Variants in KCND2 observed in about 807,000 individuals in gnomAD.
KCND2 encodes potassium voltage-gated channel subfamily D member 2.
Under a neutral mutation model 54.4 loss-of-function variants are expected in KCND2, and 16 were observed. The observed-to-expected ratio is 0.29, with a 90% CI of 0.20 to 0.45. The LOEUF (loss-of-function observed/expected upper bound fraction) is 0.45, where lower values mean the gene tolerates loss of function less well. Among genes scored for constraint, KCND2 ranks in the 20% least tolerant of loss-of-function variants. The pLI, the probability that KCND2 is intolerant of heterozygous loss-of-function variation, is 1.00. For missense variants in KCND2, 486 were observed against 824.2 expected, an observed-to-expected ratio of 0.59 and a Z score of 5.02; for synonymous variants, 317 against 310.7, an observed-to-expected ratio of 1.02 and a Z score of -0.21.
intron 1 of KCND2, among the ~76,000 whole-genome samples, chr7:120,679,280 G>C (rs557965353): frequency 1.3e-5 from 2 of 151,774 alleles, no homozygotes; most frequent in African/African-American, 4.8e-5. Flanking sequence ...TTTCCAATGA[G>C]TTTTGTTGCC....
chr7:120,590,270 G>A (rs764345550), intron 1 of KCND2, among the ~76,000 whole-genome samples: 2 of 152,028 alleles, frequency 1.3e-5, no homozygotes, highest in African/African-American at 4.8e-5. Context: ...CTGCTCACTC[G>A]GATTCCCAAA....
At chr7:120,438,808 A>T (rs1801907349) in intron 1 of KCND2, among the ~76,000 whole-genome samples, 1 of 152,154 alleles carries the variant, frequency 6.6e-6, no homozygotes, top group Non-Finnish European at 1.5e-5. Flanking sequence ...TGCTCATTCA[A>T]CCTGACCCAG....
chr7:120,561,598 ATTTTTTTTTTTT>A (rs57015988), intron 1 of KCND2, among the ~76,000 whole-genome samples: 6 of 47,280 alleles, frequency 1.3e-4, no homozygotes, highest in Non-Finnish European at 2.3e-4. Context: ...AAGCTACCTG[ATTTTTTTTTTTT>A]TTTTTTTTTT....
intron 1 of KCND2, among the ~76,000 whole-genome samples, chr7:120,530,269 T>C (rs1407336731): frequency 6.6e-6 from 1 of 152,156 alleles, no homozygotes; most frequent in Non-Finnish European, 1.5e-5. Flanking sequence ...TATGTCAAAA[T>C]ATCTCATGTA....
intron 1 of KCND2, among the ~76,000 whole-genome samples, chr7:120,280,607 A>G (rs1799245913): frequency 6.6e-6 from 1 of 152,060 alleles, no homozygotes. Flanking sequence ...TGAGTCACAA[A>G]GTTCAAATTT....
intron 1 of KCND2, among the ~76,000 whole-genome samples, chr7:120,306,727 TATC>T (rs537425288): frequency 3.0e-4 from 45 of 152,208 alleles, no homozygotes; most frequent in African/African-American, 1.0e-3. Context: ...TCTATACCGT[TATC>T]ATATTTCTCT....
intron 1 of KCND2, among the ~76,000 whole-genome samples, chr7:120,527,855 C>A (rs563536239): frequency 5.9e-5 from 9 of 151,906 alleles, no homozygotes; most frequent in African/African-American, 2.2e-4. Context: ...AATAAATGGA[C>A]GAATGTATAC....
At chr7:120,310,770 G>A (rs1584724127) in intron 1 of KCND2, among the ~76,000 whole-genome samples, 1 of 151,560 alleles carries the variant, frequency 6.6e-6, no homozygotes, top group African/African-American at 2.4e-5. Flanking sequence ...AACCCCATCT[G>A]TACTAAAAAT....
At chr7:120,697,772 A>G (rs1397108043) in intron 1 of KCND2, among the ~76,000 whole-genome samples, 1 of 152,208 alleles carries the variant, frequency 6.6e-6, no homozygotes, top group East Asian at 1.9e-4. Context: ...TGAACAATAA[A>G]ATATAATTGG....
chr7:120,359,744 T>C (rs1368869673), intron 1 of KCND2, among the ~76,000 whole-genome samples: 1 of 152,046 alleles, frequency 6.6e-6, no homozygotes, highest in Non-Finnish European at 1.5e-5. Flanking sequence ...TGAATTGTAA[T>C]CCCCATAATC....
chr7:120,733,068 G>A lies in KCND2; in HGVS notation c.1278+3G>A, dbSNP rs1436715958. The A allele has an allele frequency of 6.2e-7, 1 of 1,613,280 alleles. No individual in the cohort carries two copies. Among genetic ancestry groups the A allele is most frequent in the Admixed American group, 1.7e-5 (1 of 59,944 alleles). On this transcript the variant is annotated splice_donor_region_variant and intron_variant, in intron 2 of 5. Transcript: ENST00000331113. ...CAGACAAACGAAGGGCACAAAAGGT[G>A]CGTATTCAACTCCGTGCAACCATGG...
intron 1 of KCND2, among the ~76,000 whole-genome samples, chr7:120,393,535 C>T (rs11772193): frequency 0.1 from 15,520 of 151,958 alleles, 831 homozygotes; most frequent in Admixed American, 0.13. Flanking sequence ...GTTGTAGGTG[C>T]TTTCTTCCCT....
intron 1 of KCND2, among the ~76,000 whole-genome samples, chr7:120,642,056 G>C (rs2116531850): frequency 2.0e-5 from 3 of 151,610 alleles, no homozygotes; most frequent in African/African-American, 4.8e-5. Context: ...AACATTTCTG[G>C]ATGTTTGTTG....
chr7:120,641,375 A>G (rs1793371864), intron 1 of KCND2, among the ~76,000 whole-genome samples: 1 of 152,154 alleles, frequency 6.6e-6, no homozygotes, highest in Non-Finnish European at 1.5e-5. Flanking sequence ...GGAGACAGGC[A>G]GGCAAGAAGA....
chr7:120,451,314 A>G (rs1404996271), intron 1 of KCND2, among the ~76,000 whole-genome samples: 2 of 152,162 alleles, frequency 1.3e-5, no homozygotes, highest in Non-Finnish European at 2.9e-5. Context: ...ATTAAAAAAT[A>G]TATATATATT....
intron 5 of KCND2, 56 bp from the exon 6 acceptor site, chr7:120,747,625 A>G (rs1793022875): frequency 9.6e-6 from 12 of 1,255,164 alleles, no homozygotes; most frequent in Non-Finnish European, 1.2e-5. Context: ...CTTCAGTTGT[A>G]TGAAAAACAT....
In KCND2 at chr7:120,564,895, C is replaced by T. The variant is rs549008505; in HGVS notation, c.1116-168008C>T. On this transcript the variant is annotated intron_variant, in intron 1 of 5. Coordinates refer to ENST00000331113, the MANE Select transcript of KCND2 (RefSeq NM_012281.3). Reference sequence around the variant, plus strand: ...TTTCAATCAATTCACACTTTAGTATCCTCTCCATGAAATATGTGCATCTTT... The same window carrying T: ...TTTCAATCAATTCACACTTTAGTATTCTCTCCATGAAATATGTGCATCTTT... Among the ~76,000 whole-genome samples the T allele has an allele frequency of 7.2e-5, 11 of 152,254 alleles. No individual in the cohort carries two copies. In the South Asian group the frequency reaches 2.3e-3, roughly 32 times the overall value.
chr7:120,371,036 T>C (rs984438507), intron 1 of KCND2, among the ~76,000 whole-genome samples: 2 of 152,214 alleles, frequency 1.3e-5, no homozygotes, highest in Admixed American at 6.6e-5. Flanking sequence ...GCCTTCATTT[T>C]GGACCTCAGG....
intron 1 of KCND2, among the ~76,000 whole-genome samples, chr7:120,545,270 G>C (rs1319279912): frequency 6.6e-6 from 1 of 151,862 alleles, no homozygotes; most frequent in Non-Finnish European, 1.5e-5. Context: ...CTGAGAATGA[G>C]ATAGTACAAG....
Sources: allele counts gnomAD v4.1 joint callset (sites outside exome capture counted in the v4.1 genomes callset), GRCh38; gene constraint gnomAD v4.1.1; transcripts MANE v1.5; gene names NCBI Gene and HGNC (gene_info 2026-07-23, HGNC 2026-07-21).